FAAH2: variants seen among roughly 807,000 people sequenced by gnomAD.
FAAH2 encodes the protein fatty acid amide hydrolase 2.
A neutral mutation model predicts 36.9 loss-of-function variants in FAAH2; 60 were observed. That is an observed-to-expected ratio of 1.63 (90% CI 1.32 to 2.02). The LOEUF (loss-of-function observed/expected upper bound fraction) is 2.02. Among genes scored for constraint, FAAH2 ranks in the 30% most tolerant of loss-of-function variants. The pLI, the probability that FAAH2 is intolerant of heterozygous loss-of-function variation, is 0.00. For missense variants in FAAH2, 689 were observed against 397.5 expected (o/e 1.73, Z -6.23); for synonymous variants, 214 against 143.8 (o/e 1.49, Z -3.49).
chrX:57,456,633 AG>A (rs1421633343), intron 10 of FAAH2, among the ~76,000 whole-genome samples: 2 of 112,457 alleles, frequency 1.8e-5, no homozygotes, highest in Non-Finnish European at 3.8e-5. Flanking sequence ...CCACAGAAAT[AG>A]AATAGTTCCT....
chrX:57,153,825 G>A, the FAAH2 span, among the ~76,000 whole-genome samples: 4 of 112,548 alleles, frequency 3.6e-5, no homozygotes, highest in Non-Finnish European at 7.5e-5. Flanking sequence ...ATAACCTGAG[G>A]ACAATTTGCC....
chrX:57,278,211 G>C, the FAAH2 span, among the ~76,000 whole-genome samples: 1 of 111,619 alleles, frequency 9.0e-6, no homozygotes, highest in Non-Finnish European at 1.9e-5. Flanking sequence ...CATGGTACTG[G>C]TAACAAAGAA....
intron 10 of FAAH2, among the ~76,000 whole-genome samples, chrX:57,474,192 TGA>T (rs2057221445): frequency 9.0e-6 from 1 of 111,644 alleles, no homozygotes. Flanking sequence ...AATCTAGTGG[TGA>T]TTTTTTTAAA....
At position 57,310,101 on chromosome X, in the gene FAAH2, G is replaced by C. The variant is rs753678353; in HGVS notation, c.276-492G>C. Among the ~76,000 whole-genome samples the C allele has an allele frequency of 2.7e-5, 3 of 111,718 alleles. No individual in the cohort carries two copies. In the East Asian group the frequency reaches 8.5e-4, roughly 32 times the overall value. On this transcript the variant is annotated intron_variant, in intron 2 of 10. Coordinates refer to ENST00000374900, the MANE Select transcript of FAAH2 (RefSeq NM_174912.4). ...GCCTCGGCAGCATCTGTTGTTTCTT[G>C]ATTTTTAACAATTGCCATTCTGACT...
chrX:57,273,573 A>G, the FAAH2 span, among the ~76,000 whole-genome samples: 1 of 112,094 alleles, frequency 8.9e-6, no homozygotes, highest in Non-Finnish European at 1.9e-5. Context: ...CTCAGACCAG[A>G]GTGCAATCAA....
At chrX:57,476,246 G>A (rs1379835715) in intron 10 of FAAH2, among the ~76,000 whole-genome samples, 1 of 111,102 alleles carries the variant, frequency 9.0e-6, no homozygotes, top group African/African-American at 3.3e-5. Context: ...GAATAGGAGT[G>A]GTGAGAGAGG....
chrX:57,323,932 T>A (rs1235196404), intron 3 of FAAH2, among the ~76,000 whole-genome samples: 4 of 111,248 alleles, frequency 3.6e-5, no homozygotes, highest in Non-Finnish European at 7.6e-5. Context: ...ATGTCCTGAA[T>A]GGTATTGCCT....
chrX:57,484,443 G>A (rs1293418699), intron 10 of FAAH2, among the ~76,000 whole-genome samples: 1 of 111,295 alleles, frequency 9.0e-6, no homozygotes, highest in Non-Finnish European at 1.9e-5. Flanking sequence ...TCGTAAATAG[G>A]CAGGAACACA....
chrX:57,392,842 A>G, intron 7 of FAAH2: 1 of 699,243 alleles, frequency 1.4e-6, no homozygotes, highest in Non-Finnish European at 2.3e-6. Context: ...GACAAGGACA[A>G]GTGTGTTTTG....
chrX:57,332,240 A>T (rs910139295), intron 4 of FAAH2, among the ~76,000 whole-genome samples: 1 of 112,319 alleles, frequency 8.9e-6, no homozygotes, highest in Admixed American at 9.4e-5. Flanking sequence ...CCTTGGTCAC[A>T]TGAAGTAGGT....
At chrX:57,448,182 G>A (rs1051940219) in intron 9 of FAAH2, among the ~76,000 whole-genome samples, 4 of 111,607 alleles carry the variant, frequency 3.6e-5, no homozygotes, top group Non-Finnish European at 5.6e-5. Context: ...TATTGCCCAA[G>A]CTGGTCTTGA....
At chrX:57,325,224 T>C (rs765178753) in intron 3 of FAAH2, among the ~76,000 whole-genome samples, 97 of 112,053 alleles carry the variant, frequency 8.7e-4, no homozygotes, top group African/African-American at 3.1e-3. Flanking sequence ...TTAGATGTGC[T>C]GCTGGATTCA....
chrX:57,301,878 G>A (rs1158478093), intron 2 of FAAH2, among the ~76,000 whole-genome samples: 3 of 111,537 alleles, frequency 2.7e-5, no homozygotes, highest in East Asian at 2.8e-4. Context: ...AGTAAGTAAC[G>A]AATTAATATA....
the FAAH2 span, among the ~76,000 whole-genome samples, chrX:57,163,274 CA>C: frequency 3.6e-5 from 4 of 112,072 alleles, no homozygotes; most frequent in African/African-American, 1.3e-4. Flanking sequence ...AGCTGTCAGA[CA>C]GGGACATTTA....
chrX:57,446,907 A>G, intron 8 of FAAH2, 21 bp from the exon 9 acceptor site: 1 of 1,148,739 alleles, frequency 8.7e-7, no homozygotes, highest in Non-Finnish European at 1.2e-6. Context: ...CTTGTATTTT[A>G]TTTCTTTCCT....
chrX:57,232,074 G>C, the FAAH2 span, among the ~76,000 whole-genome samples: 1 of 111,697 alleles, frequency 9.0e-6, no homozygotes, highest in Non-Finnish European at 1.9e-5. Context: ...TCTTTTGACT[G>C]AAAGGCCCCA....
At chrX:57,483,318 A>T (rs1038309407) in intron 10 of FAAH2, among the ~76,000 whole-genome samples, 5 of 111,172 alleles carry the variant, frequency 4.5e-5, no homozygotes, top group Admixed American at 3.8e-4. Context: ...AAAGTGTTCA[A>T]CTTTATTTTG....
At chrX:57,336,529 T>C (rs2053557158) in intron 4 of FAAH2, among the ~76,000 whole-genome samples, 1 of 111,515 alleles carries the variant, frequency 9.0e-6, no homozygotes, top group African/African-American at 3.3e-5. Context: ...GATCTCTCTT[T>C]CTTTTCCCCA....
At chrX:57,446,900 G>C (rs1354153364) in intron 8 of FAAH2, 28 bp from the exon 9 acceptor site, 2 of 1,115,319 alleles carry the variant, frequency 1.8e-6, no homozygotes, top group Non-Finnish European at 2.5e-6. Flanking sequence ...AAATACTCTT[G>C]TATTTTATTT....
Sources: allele counts gnomAD v4.1 joint callset (sites outside exome capture counted in the v4.1 genomes callset), GRCh38; gene constraint gnomAD v4.1.1; transcripts MANE v1.5; gene names NCBI Gene and HGNC (gene_info 2026-07-23, HGNC 2026-07-21).